The following KCNK10 variants were observed in gnomAD, a reference collection of about 807,000 sequenced individuals.
KCNK10 encodes potassium two pore domain channel subfamily K member 10, also known as potassium channel subfamily K member 10.
A neutral mutation model predicts 47.7 loss-of-function variants in KCNK10; 25 were observed. The observed-to-expected ratio is 0.52, with a 90% CI of 0.38 to 0.73. The LOEUF is 0.73. Ranked by LOEUF, KCNK10 falls within the 30% of genes least tolerant of loss-of-function variation. The pLI, the probability that KCNK10 is intolerant of heterozygous loss-of-function variation, is 0.00. For missense variants in KCNK10, 563 were observed against 714.5 expected, an observed-to-expected ratio of 0.79 and a Z score of 2.42; for synonymous variants, 303 against 285.6, an observed-to-expected ratio of 1.06 and a Z score of -0.61.
chr14:88,270,259 G>A (rs1030776283), intron 1 of KCNK10, among the ~76,000 whole-genome samples: 1 of 152,184 alleles, frequency 6.6e-6, no homozygotes, highest in African/African-American at 2.4e-5. Flanking sequence ...TAGGAAGAGG[G>A]CAGGAAAGAT....
At chr14:88,274,989 C>G (rs1300273448) in intron 1 of KCNK10, among the ~76,000 whole-genome samples, 4 of 152,142 alleles carry the variant, frequency 2.6e-5, no homozygotes, top group African/African-American at 9.7e-5. Flanking sequence ...ACCCCTACCC[C>G]AAACCATTCC....
chr14:88,232,584 C>T (rs1241396085), intron 3 of KCNK10, among the ~76,000 whole-genome samples: 1 of 152,204 alleles, frequency 6.6e-6, no homozygotes, highest in Non-Finnish European at 1.5e-5. Context: ...AGATCCTCCA[C>T]TCTGGAGTTA....
intron 1 of KCNK10, among the ~76,000 whole-genome samples, chr14:88,279,655 G>A (rs368942746): frequency 8.6e-5 from 13 of 151,978 alleles, no homozygotes; most frequent in African/African-American, 3.1e-4. Flanking sequence ...TTATCTGCCA[G>A]CTCTAAGGTA....
intron 3 of KCNK10, among the ~76,000 whole-genome samples, chr14:88,232,714 G>A (rs942172076): frequency 1.3e-5 from 2 of 152,198 alleles, no homozygotes; most frequent in Non-Finnish European, 2.9e-5. Context: ...CCTATCTCTA[G>A]TGTTAACACT....
intron 4 of KCNK10, among the ~76,000 whole-genome samples, chr14:88,194,467 T>C (rs1438353781): frequency 1.3e-5 from 2 of 152,204 alleles, no homozygotes; most frequent in African/African-American, 4.8e-5. Context: ...CCTCCTCAAA[T>C]GCATAGTGAA....
chr14:88,212,695 G>A (rs972415620), intron 4 of KCNK10, among the ~76,000 whole-genome samples: 4 of 152,180 alleles, frequency 2.6e-5, no homozygotes, highest in African/African-American at 7.2e-5. Context: ...AGCTATCTAT[G>A]AGCAGGAGCC....
chr14:88,281,691 A>T (rs559692136), intron 1 of KCNK10, among the ~76,000 whole-genome samples: 37 of 150,630 alleles, frequency 2.5e-4, no homozygotes, highest in Non-Finnish European at 3.4e-4. Flanking sequence ...TGTGTGAGTC[A>T]ATTTCTTAAA....
intron 1 of KCNK10, among the ~76,000 whole-genome samples, chr14:88,294,255 C>T (rs918539904): frequency 1.3e-5 from 2 of 152,226 alleles, no homozygotes; most frequent in Admixed American, 1.3e-4. Flanking sequence ...CAAAAAGATG[C>T]CATTGCAAGA....
At chr14:88,264,464 T>C (rs947870146) in intron 1 of KCNK10, among the ~76,000 whole-genome samples, 6 of 152,202 alleles carry the variant, frequency 3.9e-5, no homozygotes, top group African/African-American at 1.2e-4. Flanking sequence ...AAGAAGGTAT[T>C]AGTAGATGAT....
intron 2 of KCNK10, among the ~76,000 whole-genome samples, chr14:88,249,566 T>C (rs954931881): frequency 1.3e-5 from 2 of 152,194 alleles, no homozygotes; most frequent in Non-Finnish European, 2.9e-5. Flanking sequence ...TACTGGGCTG[T>C]AACTATCCAC....
chr14:88,240,941 G>C lies in KCNK10; in HGVS notation c.403-121C>G. 3 of 601,718 alleles carry C rather than the reference G, an allele frequency of 5.0e-6. No homozygotes were observed. In the South Asian group the frequency reaches 6.2e-5, roughly 12 times the overall value. The allele number at this position is 601,718 out of a possible 1,614,324, so 37.3% of individuals were successfully genotyped here. A position where few individuals can be genotyped will look rare whatever the true frequency, so the allele number is the denominator to read the frequency against. ...ACTCAAGAACCTGCAGTGATCTAGAGAGAACTGGTTAAGTGGATGATGGTA... is the reference window on the plus strand; with the variant it reads ...ACTCAAGAACCTGCAGTGATCTAGACAGAACTGGTTAAGTGGATGATGGTA... On this transcript the variant is annotated intron_variant, in intron 2 of 6. Coordinates refer to ENST00000319231, the MANE Select transcript of KCNK10 (RefSeq NM_138317.3).
At chr14:88,229,565 C>A (rs1886097469) in intron 3 of KCNK10, among the ~76,000 whole-genome samples, 1 of 152,070 alleles carries the variant, frequency 6.6e-6, no homozygotes, top group Non-Finnish European at 1.5e-5. Context: ...AAGCTAAGTT[C>A]TTGGGTAAGA....
rs2139819076 is a variant in KCNK10 at position 88,185,588 on chromosome 14, C to A, written c.1579G>T (p.Asp527Tyr). The change falls in exon 7 of 7, where the codon GAC becomes TAC. Residue 527 changes from aspartate to tyrosine, a missense_variant. Asp to Tyr is a radical substitution (Grantham distance 160, BLOSUM62 -3). Coordinates refer to ENST00000319231, the MANE Select transcript of KCNK10 (RefSeq NM_138317.3). The surrounding 1 kb of genome is among the most constrained non-coding windows in gnomAD (Gnocchi z 4.3). ...TTCTCCGGCTCCCGGTCTTTGGTGTCCGTGGGTATCATTCCGTTCTCCAAC... is the reference window on the plus strand; with the variant it reads ...TTCTCCGGCTCCCGGTCTTTGGTGTACGTGGGTATCATTCCGTTCTCCAAC... ...AELENGMIPT[D>Y]TKDREPENNS... The A allele has an allele frequency of 6.2e-7, 1 of 1,614,104 alleles. No individual in the cohort carries two copies. Among genetic ancestry groups the A allele is most frequent in the East Asian group, 2.2e-5 (1 of 44,878 alleles).
intron 2 of KCNK10, among the ~76,000 whole-genome samples, chr14:88,255,802 G>A (rs1251287331): frequency 6.6e-6 from 1 of 152,134 alleles, no homozygotes; most frequent in Non-Finnish European, 1.5e-5. Context: ...CCAGGCTACA[G>A]TGAACCATGA....
intron 1 of KCNK10, among the ~76,000 whole-genome samples, chr14:88,318,321 G>C (rs760021051): frequency 2.0e-5 from 3 of 152,152 alleles, no homozygotes; most frequent in African/African-American, 4.8e-5. Flanking sequence ...ACTTTCCAGG[G>C]CACTGGGGTT....
At chr14:88,247,346 G>A (rs1199862298) in intron 2 of KCNK10, among the ~76,000 whole-genome samples, 1 of 152,048 alleles carries the variant, frequency 6.6e-6, no homozygotes, top group East Asian at 1.9e-4. Flanking sequence ...GCTGACCTGA[G>A]TGGACACACC....
At chr14:88,276,802 T>C (rs996192641) in intron 1 of KCNK10, among the ~76,000 whole-genome samples, 2 of 152,260 alleles carry the variant, frequency 1.3e-5, no homozygotes, top group Admixed American at 6.5e-5. Flanking sequence ...CAAATGGCCC[T>C]TGATGCCCCA....
intron 4 of KCNK10, among the ~76,000 whole-genome samples, chr14:88,207,842 G>A (rs1263805829): frequency 6.6e-6 from 1 of 151,258 alleles, no homozygotes; most frequent in East Asian, 1.9e-4. Context: ...GGGTCTACAA[G>A]ATGTTATTTG....
At chr14:88,233,822 A>G (rs757046263) in intron 3 of KCNK10, among the ~76,000 whole-genome samples, 1 of 152,226 alleles carries the variant, frequency 6.6e-6, no homozygotes, top group Non-Finnish European at 1.5e-5. Context: ...CAATGTAGCC[A>G]TAGTGTTTTT....
Sources: gnomAD v4.1 joint callset for allele counts (sites outside exome capture counted in the v4.1 genomes callset) on GRCh38, gnomAD v4.1.1 for gene constraint, Gnocchi (gnomAD v3.1) non-coding constraint, MANE v1.5 for transcripts, NCBI Gene and HGNC (gene_info 2026-07-23, HGNC 2026-07-21) for gene names.